MS4A4E: variants seen among roughly 807,000 people sequenced by gnomAD.
MS4A4E encodes putative membrane-spanning 4-domains subfamily A member 4E.
In MS4A4E, 23 loss-of-function variants were observed where a neutral mutation model predicts 13.3. The observed-to-expected ratio is 1.73, with a 90% CI of 1.25 to 2.45. MS4A4E has a LOEUF of 2.45. Ranked by LOEUF, MS4A4E falls within the 30% of genes most tolerant of loss-of-function variation. The pLI is 0.00. For synonymous variants in MS4A4E, 36 were observed against 45.6 expected (o/e 0.79, Z 0.85); for missense variants, 144 against 131.2 (o/e 1.10, Z -0.48).
At chr11:60,230,120 A>G (rs2084390321) in intron 1 of MS4A4E, 49 bp from the exon 2 acceptor site, 3 of 1,521,674 alleles carry the variant, frequency 2.0e-6, no homozygotes, top group Admixed American at 4.6e-5. Context: ...ATGACAAAAG[A>G]AAGTCTTGAC....
rs948580690 is a variant in MS4A4E at position 60,201,595 on chromosome 11, T to C, written c.944A>G (p.His315Arg). 3.5e-5 allele frequency: 11 copies of C among 315,698 alleles called. No individual in the cohort carries two copies. In the East Asian group the frequency reaches 1.4e-3, roughly 41 times the overall value. The allele number at this position is 315,698 out of a possible 1,614,324, so 19.6% of individuals were successfully genotyped here. The change falls in exon 9 of 9, where the codon CAC (histidine) becomes CGC (arginine). Residue 315 changes from histidine (H) to arginine (R), a missense_variant. By Grantham distance (29) the His-to-Arg change is conservative (BLOSUM62 0). Around this residue, in one of 3 missense-constraint regions of MS4A4E, gnomAD observed 21 missense variants for 25.1 expected, o/e 0.84. Coordinates refer to ENST00000651255, the MANE Select transcript of MS4A4E (RefSeq NM_001393391.1). ...SRKWGAPLPG[H>R]HPIWEVRSVS... ...ACTCCTCACCTCCCAGATGGGATGG[T>C]GGCCGGGAAGAGGCGCTCCCCACTT...
At chr11:60,220,321 G>A (rs1252928500) in intron 3 of MS4A4E, among the ~76,000 whole-genome samples, 1 of 152,186 alleles carries the variant, frequency 6.6e-6, no homozygotes, top group African/African-American at 2.4e-5. Context: ...TTCATTGCTT[G>A]AGCAAATTAA....
Position 60,200,909 on chromosome 11 carries a change from C to T in MS4A4E, c.*634G>A, listed in dbSNP as rs28672915. Among the ~76,000 whole-genome samples the T allele has an allele frequency of 0.3, 44,656 of 147,444 alleles. 7,332 individuals carry two copies. The highest frequency in any genetic ancestry group is 0.48 in the South Asian group (2,176 of 4,558). On this transcript the variant is annotated 3_prime_UTR_variant, in exon 9 of 9. Coordinates refer to ENST00000651255, the MANE Select transcript of MS4A4E (RefSeq NM_001393391.1). ...TCACCTCCCGGACGGGGCGGCTGGC[C>T]GGGCGGGGGGCTGACCCCTCCACCT...
intron 6 of MS4A4E, among the ~76,000 whole-genome samples, chr11:60,208,070 C>A (rs891414575): frequency 6.6e-6 from 1 of 152,154 alleles, no homozygotes; most frequent in Non-Finnish European, 1.5e-5. Flanking sequence ...TTTTATTTAG[C>A]TCTTGTGCTA....
chr11:60,213,463 G>T, intron 4 of MS4A4E: 1 of 613,970 alleles, frequency 1.6e-6, no homozygotes, highest in Non-Finnish European at 2.8e-6. Context: ...TCTTATCATT[G>T]TTCTAAACAC....
At chr11:60,222,992 G>T (rs1353475780) in intron 3 of MS4A4E, among the ~76,000 whole-genome samples, 1 of 152,068 alleles carries the variant, frequency 6.6e-6, no homozygotes, top group African/African-American at 2.4e-5. Flanking sequence ...AATCTGGGCA[G>T]GACTACAAAT....
chr11:60,233,832 A>G lies in MS4A4E; in HGVS notation c.-16-3761T>C, dbSNP rs151203131. The stretch of plus-strand genomic sequence containing the variant: ...CTAGTGGAGCCTTGGGAGTGGGGCT[A>G]CCTTTGAGATCTCAGAACTATAAGG... On this transcript the variant is annotated intron_variant, in intron 1 of 8. Transcript: ENST00000651255. 3.8e-3 allele frequency among the ~76,000 whole-genome samples: 581 copies of G among 152,254 alleles called. 4 individuals are homozygous for G. The highest frequency in any genetic ancestry group is 0.013 in the African/African-American group (525 of 41,540).
chr11:60,218,018 T>C (rs2084218410), intron 3 of MS4A4E, among the ~76,000 whole-genome samples: 1 of 152,180 alleles, frequency 6.6e-6, no homozygotes, highest in Non-Finnish European at 1.5e-5. Flanking sequence ...GGGAGAAAGA[T>C]TGCTGAATTC....
chr11:60,241,847 C>A (rs532353493), intron 1 of MS4A4E, among the ~76,000 whole-genome samples: 12 of 152,264 alleles, frequency 7.9e-5, no homozygotes, highest in African/African-American at 2.6e-4. Flanking sequence ...AGGTTCTTGA[C>A]AACTACAATG....
chr11:60,207,761 G>C (rs1370752156), intron 6 of MS4A4E, among the ~76,000 whole-genome samples: 1 of 152,080 alleles, frequency 6.6e-6, no homozygotes, highest in African/African-American at 2.4e-5. Context: ...ATTATTCTTA[G>C]AGCCTCTTTC....
At chr11:60,216,579 T>C (rs1449976178) in intron 3 of MS4A4E, among the ~76,000 whole-genome samples, 2 of 151,330 alleles carry the variant, frequency 1.3e-5, no homozygotes, top group Non-Finnish European at 2.9e-5. Flanking sequence ...AATAAAAAGC[T>C]ATTATTGACA....
In MS4A4E at chr11:60,223,380, CA is replaced by C. The variant is rs377297323; in HGVS notation, c.178+5213del. On this transcript the variant is annotated intron_variant, in intron 3 of 8. Transcript: ENST00000651255. ...GGGGATTGGTGCATTTTGGGTTGTA[CA>C]AAAAATAGCTGCATTATGTTAGGCA... Among the ~76,000 whole-genome samples the C allele has an allele frequency of 7.2e-5, 11 of 152,132 alleles. No individual in the cohort carries two copies. In the South Asian group the frequency reaches 1.5e-3, roughly 20 times the overall value.
intron 4 of MS4A4E, among the ~76,000 whole-genome samples, chr11:60,213,655 G>T (rs2084153403): frequency 6.6e-6 from 1 of 152,130 alleles, no homozygotes; most frequent in Admixed American, 6.5e-5. Flanking sequence ...GTTGGGTTAG[G>T]CCAGATTTGG....
At chr11:60,206,140 T>C (rs533029467) in intron 6 of MS4A4E, among the ~76,000 whole-genome samples, 97 of 152,082 alleles carry the variant, frequency 6.4e-4, no homozygotes, top group African/African-American at 2.3e-3. Flanking sequence ...CTCCACTTCA[T>C]GAAGGAAAAA....
intron 4 of MS4A4E, among the ~76,000 whole-genome samples, chr11:60,213,841 T>A (rs2134930315): frequency 1.3e-5 from 2 of 152,352 alleles, no homozygotes; most frequent in East Asian, 3.9e-4. Context: ...TCTTATGTAA[T>A]AATTTTATTG....
chr11:60,202,374 A>G (rs1159026266), intron 8 of MS4A4E, among the ~76,000 whole-genome samples: 1 of 152,220 alleles, frequency 6.6e-6, no homozygotes, highest in African/African-American at 2.4e-5. Flanking sequence ...ACATTTTTAA[A>G]TAACTTTCTG....
At chr11:60,225,253 A>G (rs2084326479) in intron 3 of MS4A4E, among the ~76,000 whole-genome samples, 1 of 152,180 alleles carries the variant, frequency 6.6e-6, no homozygotes, top group African/African-American at 2.4e-5. Flanking sequence ...AGAACCATGA[A>G]TATTATCTTA....
At position 60,213,107 on chromosome 11, in the gene MS4A4E, ATATTC is replaced by A. The variant is rs1395348743; in HGVS notation, c.243_247del (p.Lys81AsnfsTer29). On this transcript the variant is annotated frameshift_variant, in exon 5 of 9. Coordinates refer to ENST00000651255, the MANE Select transcript of MS4A4E (RefSeq NM_001393391.1). LOFTEE classifies it high-confidence loss of function. ...TGATATAGCCAAGACTGAACTGGTG[ATATTC>A]TTTCCTAGACTACCTCCAACCTAGA... 6.7e-6 allele frequency: 4 copies of A among 599,148 alleles called. No individual in the cohort carries two copies. Among genetic ancestry groups the A allele is most frequent in the Middle Eastern group, 3.5e-4 (1 of 2,858 alleles). The allele number at this position is 599,148 out of a possible 1,614,324, so 37.1% of individuals were successfully genotyped here.
At chr11:60,234,162 A>G (rs1335218527) in intron 1 of MS4A4E, among the ~76,000 whole-genome samples, 1 of 152,164 alleles carries the variant, frequency 6.6e-6, no homozygotes, top group African/African-American at 2.4e-5. Flanking sequence ...TCACAGGCTC[A>G]CAGCTGGAAA....
Sources: gnomAD v4.1 joint callset for allele counts (sites outside exome capture counted in the v4.1 genomes callset) on GRCh38, gnomAD v4.1.1 for gene constraint, gnomAD v4.1.1 regional missense constraint, MANE v1.5 for transcripts, NCBI Gene and HGNC (gene_info 2026-07-23, HGNC 2026-07-21) for gene names.